Variants in RABL6 observed in about 807,000 individuals in gnomAD.
RABL6 encodes the protein rab-like protein 6.
In RABL6, 28 loss-of-function variants were observed where a neutral mutation model predicts 72.9. The observed-to-expected ratio is 0.38, with a 90% CI of 0.28 to 0.53. The LOEUF is 0.53. Ranked by LOEUF, RABL6 falls within the 20% of genes least tolerant of loss-of-function variation. The pLI, the probability that RABL6 is intolerant of heterozygous loss-of-function variation, is 0.80. For synonymous variants in RABL6, 477 were observed against 421.2 expected, an observed-to-expected ratio of 1.13 and a Z score of -1.62; for missense variants, 1,029 against 1,008.4, an observed-to-expected ratio of 1.02 and a Z score of -0.28.
At chr9:136,840,291 C>T (rs1848665850) in intron 14 of RABL6, 31 bp from the exon 15 acceptor site, 1 of 1,607,852 alleles carries the variant, frequency 6.2e-7, no homozygotes, top group Non-Finnish European at 8.5e-7. Context: ...CTTCCTGTGA[C>T]TCCATGGCGC....
intron 7 of RABL6, 62 bp from the exon 8 acceptor site, chr9:136,835,680 G>A (rs1848571748): frequency 3.4e-6 from 5 of 1,449,622 alleles, no homozygotes; most frequent in Admixed American, 2.2e-5. Context: ...CAGGGGCTGT[G>A]GGGCTGGGGC....
chr9:136,832,448 C>T, intron 7 of RABL6, 78 bp downstream of exon 7: 1 of 1,179,462 alleles, frequency 8.5e-7, no homozygotes, highest in Non-Finnish European at 1.3e-6. Context: ...AGCAACGGGT[C>T]TCCCTCCTAA....
chr9:136,813,115 T>C (rs1390777268), intron 1 of RABL6: 1 of 410,114 alleles, frequency 2.4e-6, no homozygotes, highest in Non-Finnish European at 4.6e-6. Flanking sequence ...GACTAAAGCC[T>C]CTTCAGTGGT....
In RABL6 at chr9:136,807,961, G is replaced by C; in HGVS notation, c.-236G>C. 1.0e-6 allele frequency: 1 copy of C among 1,001,450 alleles called. No individual in the cohort carries two copies. The highest frequency in any genetic ancestry group is 1.2e-6 in the Non-Finnish European group (1 of 842,114). The allele number at this position is 1,001,450 out of a possible 1,614,324, so 62.0% of individuals were successfully genotyped here. ...GAGCCGGCGCCAAGATGGCGGCGCT[G>C]ACTCCTGGAGAGCGGTCGCGCCGGA... On this transcript the variant is annotated 5_prime_UTR_variant, in exon 1 of 15. Coordinates refer to ENST00000311502, the MANE Select transcript of RABL6 (RefSeq NM_024718.5).
chr9:136,840,164 C>T lies in RABL6; in HGVS notation c.1941C>T (p.Gly647=). The part of the protein sequence containing the change: ...PKESSEEGKE[G]KTPSKEKKKK... ...GTCCTGTCTGTGCAGGTAAGGAGGG[C>T]AAAACCCCCTCTAAGGAGAAGAAGA... is the stretch of plus-strand genomic sequence containing the variant. Residue 647 remains glycine, a synonymous_variant, in exon 14 of 15, where the codon GGC becomes GGT. Transcript: ENST00000311502. 6.2e-7 allele frequency: 1 copy of T among 1,612,816 alleles called. No homozygotes were observed. The highest frequency in any genetic ancestry group is 8.5e-7 in the Non-Finnish European group (1 of 1,179,802).
chr9:136,821,956 C>G, intron 1 of RABL6: 1 of 1,289,258 alleles, frequency 7.8e-7, no homozygotes, highest in South Asian at 1.2e-5. Context: ...TGGCCGGCGC[C>G]GAGATATGAC....
Position 136,808,238 on chromosome 9 carries a change from C to T in RABL6, c.42C>T (p.Ala14=). The T allele has an allele frequency of 6.4e-7, 1 of 1,564,066 alleles. No individual in the cohort carries two copies. The highest frequency in any genetic ancestry group is 8.6e-7 in the Non-Finnish European group (1 of 1,156,914). ...ALKKLVGSDQ[A]PGRDKNIPAG... is the part of the protein sequence containing the mutation. Reference sequence around the variant, plus strand: ...AGAAGCTGGTGGGGTCGGACCAGGCCCCGGGCCGGGACAAGAACATCCCCG... The same window carrying T: ...AGAAGCTGGTGGGGTCGGACCAGGCTCCGGGCCGGGACAAGAACATCCCCG... The change falls in exon 1 of 15, where the codon GCC becomes GCT. Residue 14 remains alanine (A), a synonymous_variant. Coordinates refer to ENST00000311502, the MANE Select transcript of RABL6 (RefSeq NM_024718.5).
intron 1 of RABL6, 171 bp downstream of exon 1, chr9:136,808,497 G>C (rs984208852): frequency 7.8e-6 from 5 of 637,378 alleles, no homozygotes; most frequent in South Asian, 1.4e-4. Flanking sequence ...CGCGAGGAGA[G>C]GCCAGGCCAG....
intron 4 of RABL6, 110 bp downstream of exon 4, chr9:136,828,656 G>A: frequency 1.7e-6 from 2 of 1,164,492 alleles, no homozygotes. Flanking sequence ...TTATGCTGTG[G>A]CCACGGGGGC....
chr9:136,840,539 G>C lies in RABL6; in HGVS notation c.*17G>C. 6.5e-7 allele frequency: 1 copy of C among 1,544,422 alleles called. No homozygotes were observed. The highest frequency in any genetic ancestry group is 8.7e-7 in the Non-Finnish European group (1 of 1,145,188). Reference sequence around the variant, plus strand: ...GAGCTCTAGGCCGGCGTGGGCAGTGGCCGCCCTGGGGCGGGGGGCGTGCCT... The same window carrying C: ...GAGCTCTAGGCCGGCGTGGGCAGTGCCCGCCCTGGGGCGGGGGGCGTGCCT... On this transcript the variant is annotated 3_prime_UTR_variant, in exon 15 of 15. Coordinates refer to ENST00000311502, the MANE Select transcript of RABL6 (RefSeq NM_024718.5).
At chr9:136,817,511 AGGGGAGGCCGACGTGGGCTGT>A (rs1564360291) in intron 1 of RABL6, among the ~76,000 whole-genome samples, 2 of 126,250 alleles carry the variant, frequency 1.6e-5, no homozygotes, top group Admixed American at 8.3e-5. Context: ...ACGTGGGCTG[AGGGGAGGCCGACGTGGGCTGT>A]GGGGAGGCCG....
chr9:136,831,966 C>T, intron 6 of RABL6, 105 bp downstream of exon 6: 1 of 1,435,680 alleles, frequency 7.0e-7, no homozygotes, highest in Non-Finnish European at 9.2e-7. Flanking sequence ...TAGCATGGGG[C>T]CCGGCGGATG....
intron 5 of RABL6, chr9:136,831,096 T>C (rs1327387985): frequency 6.5e-6 from 1 of 154,712 alleles, no homozygotes; most frequent in Non-Finnish European, 1.5e-5. Flanking sequence ...CTCCCTTATG[T>C]TGGCTTTCAG....
intron 7 of RABL6, chr9:136,835,521 A>C (rs928297895): frequency 1.2e-5 from 6 of 500,912 alleles, no homozygotes; most frequent in African/African-American, 7.8e-5. Flanking sequence ...CCATGCTGGC[A>C]GTGTGTAGGT....
Position 136,840,142 on chromosome 9 carries a change from C to T in RABL6, c.1931-12C>T, listed in dbSNP as rs1479622862. On this transcript the variant is annotated splice_polypyrimidine_tract_variant and intron_variant, in intron 13 of 14. Coordinates refer to ENST00000311502, the MANE Select transcript of RABL6 (RefSeq NM_024718.5). Reference sequence around the variant, plus strand: ...GCCTGAGTTTGAGCCACTGTCTGTCCTGTCTGTGCAGGTAAGGAGGGCAAA... The same window carrying T: ...GCCTGAGTTTGAGCCACTGTCTGTCTTGTCTGTGCAGGTAAGGAGGGCAAA... 1 of 1,612,834 alleles carries T rather than the reference C, an allele frequency of 6.2e-7. No individual in the cohort carries two copies. The highest frequency in any genetic ancestry group is 1.3e-5 in the African/African-American group (1 of 74,846).
intron 4 of RABL6, among the ~76,000 whole-genome samples, chr9:136,828,985 TG>T (rs1848415352): frequency 6.6e-6 from 1 of 152,182 alleles, no homozygotes; most frequent in Non-Finnish European, 1.5e-5. Context: ...CTTTAGAGCA[TG>T]GGGTGGAGTG....
chr9:136,830,562 C>T (rs1444011808), intron 5 of RABL6, among the ~76,000 whole-genome samples: 1 of 152,250 alleles, frequency 6.6e-6, no homozygotes, highest in Non-Finnish European at 1.5e-5. Context: ...CAGTGGTGCT[C>T]CTCTCCCTCC....
At chr9:136,821,951 G>C in intron 1 of RABL6, 6 of 1,289,106 alleles carry the variant, frequency 4.7e-6, no homozygotes, top group Non-Finnish European at 6.1e-6. Context: ...AGCGCTGGCC[G>C]GCGCCGAGAT....
Position 136,839,473 on chromosome 9 carries a change from C to T in RABL6, c.1745C>T (p.Thr582Ile), listed in dbSNP as rs1016444396. 1.2e-6 allele frequency: 2 copies of T among 1,612,102 alleles called. No individual in the cohort carries two copies. Among genetic ancestry groups the T allele is most frequent in the African/African-American group, 2.7e-5 (2 of 74,936 alleles). ...GACTTTGAGAGCGAGGGATCAGACA[C>T]ACAGCGCAGGGCGGTAAGACGAGTC... ...DPDFESEGSD[T>I]QRRADDFPVR... Residue 582 changes from threonine to isoleucine, a missense_variant, in exon 12 of 15, where the codon ACA becomes ATA. By Grantham distance (89) the Thr-to-Ile change is moderately conservative (BLOSUM62 -1). This residue lies in a region of RABL6 where 595 missense variants were observed against 472.4 expected (regional missense o/e 1.26). Coordinates refer to ENST00000311502, the MANE Select transcript of RABL6 (RefSeq NM_024718.5).
Sources: allele counts gnomAD v4.1 joint callset (sites outside exome capture counted in the v4.1 genomes callset), GRCh38; gene constraint gnomAD v4.1.1; regional missense constraint gnomAD v4.1.1; transcripts MANE v1.5; gene names NCBI Gene and HGNC (gene_info 2026-07-23, HGNC 2026-07-21).